Variants in ADAM2 observed in about 807,000 individuals in gnomAD.
ADAM2 encodes the protein ADAM metallopeptidase domain 2.
ADAM2 carries 101 observed loss-of-function variants against 99.3 expected under a neutral mutation model. The ratio of observed to expected loss-of-function variants is 1.02; its 90% CI spans 0.87 to 1.20. ADAM2 has a LOEUF of 1.20. Ranked by LOEUF, ADAM2 falls within the 50% of genes most tolerant of loss-of-function variation. The pLI, the probability that ADAM2 is intolerant of heterozygous loss-of-function variation, is 0.00. For synonymous variants in ADAM2, 323 were observed against 287.6 expected (o/e 1.12, Z -1.25); for missense variants, 948 against 878.7 (o/e 1.08, Z -1.00).
At position 39,821,063 on chromosome 8, in the gene ADAM2, G is replaced by A. The variant is rs1486484687; in HGVS notation, c.452C>T (p.Ser151Phe). The A allele has an allele frequency of 5.6e-6, 9 of 1,603,528 alleles. No individual in the cohort carries two copies. The highest frequency in any genetic ancestry group is 7.7e-6 in the Non-Finnish European group (9 of 1,171,212). ...YQVKHKKADV[S>F]LYNEKDIESR... is the part of the protein sequence containing the mutation. The stretch of plus-strand genomic sequence containing the variant: ...TTCAATATCCTTCTCATTATATAAG[G>A]AAACATCTGCTTTCTTATGTTTTAC... The change falls in exon 6 of 21, where the codon TCC becomes TTC. Residue 151 changes from serine (S) to phenylalanine (F), a missense_variant. Transcript: ENST00000265708.
At chr8:39,750,154 T>C (rs1326634814) in intron 16 of ADAM2, among the ~76,000 whole-genome samples, 1 of 152,088 alleles carries the variant, frequency 6.6e-6, no homozygotes, top group Non-Finnish European at 1.5e-5. Flanking sequence ...ACTTAATTAG[T>C]ATAGAAATAA....
At chr8:39,761,309 T>C in intron 14 of ADAM2, 28 bp from the exon 15 acceptor site, 1 of 1,322,666 alleles carries the variant, frequency 7.6e-7, no homozygotes, top group Non-Finnish European at 1.1e-6. Flanking sequence ...AGGTTAGTCA[T>C]ATTAAACTTA....
In ADAM2 at chr8:39,761,222, CA is replaced by C; in HGVS notation, c.1566del (p.Gly523GlufsTer5). ...CCTGAATCACTTATACCACAGTTTC[CA>C]GATACATCAGTCTTTGAATTAAGGT... ...YSHLNSKTDV[S>X]GNCGISDSGY... On this transcript the variant is annotated frameshift_variant, in exon 15 of 21. Coordinates refer to ENST00000265708, the MANE Select transcript of ADAM2 (RefSeq NM_001464.5). LOFTEE classifies it high-confidence loss of function. The C allele has an allele frequency of 6.2e-7, 1 of 1,604,260 alleles. No individual in the cohort carries two copies. Among genetic ancestry groups the C allele is most frequent in the Non-Finnish European group, 8.5e-7 (1 of 1,174,602 alleles).
chr8:39,785,796 T>TAAAAAAAAAAAAAAAAAAAA (rs58429092), intron 10 of ADAM2, among the ~76,000 whole-genome samples: 1 of 122,500 alleles, frequency 8.2e-6, no homozygotes. Context: ...CTGTCTCAAA[T>TAAAAAAAAAAAAAAAAAAAA]AAAAAAAAAA....
At chr8:39,800,078 TG>T (rs35912924) in intron 7 of ADAM2, among the ~76,000 whole-genome samples, 5,954 of 152,238 alleles carry the variant, frequency 0.039, 389 homozygotes, top group African/African-American at 0.14. Flanking sequence ...TGGTGCTATT[TG>T]GTTATTTTGC....
At chr8:39,834,375 T>C (rs1297396427) in intron 2 of ADAM2, among the ~76,000 whole-genome samples, 2 of 152,070 alleles carry the variant, frequency 1.3e-5, no homozygotes, top group Non-Finnish European at 2.9e-5. Context: ...TTGGATGCTG[T>C]TTATATCTTT....
chr8:39,772,287 A>G (rs952453660), intron 11 of ADAM2, among the ~76,000 whole-genome samples: 1 of 151,896 alleles, frequency 6.6e-6, no homozygotes, highest in African/African-American at 2.4e-5. Flanking sequence ...TTCATTGTAC[A>G]ATGTCTAAAT....
chr8:39,797,433 C>A (rs1804013531), intron 7 of ADAM2, among the ~76,000 whole-genome samples: 1 of 152,174 alleles, frequency 6.6e-6, no homozygotes, highest in Non-Finnish European at 1.5e-5. Flanking sequence ...CAGTACCATG[C>A]TGTTTTGCTT....
chr8:39,744,169 G>A (rs1823351101), intron 20 of ADAM2, 105 bp from the exon 21 acceptor site: 1 of 151,926 alleles, frequency 6.6e-6, no homozygotes, highest in Non-Finnish European at 1.5e-5. Flanking sequence ...CTTATATCAT[G>A]CAATTTATTT....
At chr8:39,798,185 T>C (rs1034962473) in intron 7 of ADAM2, among the ~76,000 whole-genome samples, 2 of 152,228 alleles carry the variant, frequency 1.3e-5, no homozygotes, top group African/African-American at 4.8e-5. Context: ...TTGTCATAAA[T>C]AGCTCTTATT....
intron 14 of ADAM2, among the ~76,000 whole-genome samples, chr8:39,762,994 T>C (rs1242772365): frequency 6.6e-6 from 1 of 152,210 alleles, no homozygotes; most frequent in African/African-American, 2.4e-5. Flanking sequence ...AACTTGGGCA[T>C]ATTCTCATTT....
chr8:39,744,670 C>A (rs1238925432), intron 20 of ADAM2, among the ~76,000 whole-genome samples, 160 bp downstream of exon 20: 1 of 152,024 alleles, frequency 6.6e-6, no homozygotes, highest in East Asian at 1.9e-4. Context: ...GCATTGAGAC[C>A]AATACCTAAT....
At chr8:39,769,304 G>T in intron 12 of ADAM2, 88 bp downstream of exon 12, 2 of 1,037,886 alleles carry the variant, frequency 1.9e-6, no homozygotes, top group South Asian at 1.5e-5. Flanking sequence ...TTAGCTTGAT[G>T]AATTAAGGAA....
In ADAM2 at chr8:39,752,649, G is replaced by A. The variant is rs1801991454; in HGVS notation, c.1798-2905C>T. Among the ~76,000 whole-genome samples, 3 of 152,158 alleles carry A rather than the reference G, an allele frequency of 2.0e-5. No homozygotes were observed. In the South Asian group the frequency reaches 6.2e-4, roughly 32 times the overall value. ...CAGACACCTGGGGCAAAAGATTACG[G>A]TGGAGATGTAATTGTAGCTCCCACA... On this transcript the variant is annotated intron_variant, in intron 16 of 20. Coordinates refer to ENST00000265708, the MANE Select transcript of ADAM2 (RefSeq NM_001464.5).
intron 2 of ADAM2, among the ~76,000 whole-genome samples, chr8:39,835,208 C>T (rs1345794155): frequency 6.6e-6 from 1 of 152,070 alleles, no homozygotes. Flanking sequence ...CTTCTTTTCT[C>T]CCCTATTTCA....
rs145867261 is a variant in ADAM2, at chr8:39,796,099, C to T, written c.571-7359G>A. Among the ~76,000 whole-genome samples, 275 of 151,320 alleles carry T rather than the reference C, an allele frequency of 1.8e-3. 1 individual carries two copies. The highest frequency in any genetic ancestry group is 0.01 in the Middle Eastern group (3 of 294). On this transcript the variant is annotated intron_variant, in intron 7 of 20. Coordinates refer to ENST00000265708, the MANE Select transcript of ADAM2 (RefSeq NM_001464.5). The stretch of plus-strand genomic sequence containing the variant: ...CTTCTTCTAAAAAAAAAACAGGATA[C>T]ATGTGCAGAATGTGCAGGTTTATTA...
In ADAM2 at chr8:39,743,845, G is replaced by A. The variant is rs958329860; in HGVS notation, c.*250C>T. 6.6e-6 allele frequency: 1 copy of A among 151,960 alleles called. No homozygotes were observed. Among genetic ancestry groups the A allele is most frequent in the African/African-American group, 2.4e-5 (1 of 41,368 alleles). 9.4% of individuals were successfully genotyped at this position (151,960 alleles called of 1,614,324 possible). Reference sequence around the variant, plus strand: ...TAGTGTCTACTAACCAACAGAAATAGCGTAAGATAACTTTAAAAAAACAGA... The same window carrying A: ...TAGTGTCTACTAACCAACAGAAATAACGTAAGATAACTTTAAAAAAACAGA... On this transcript the variant is annotated 3_prime_UTR_variant, in exon 21 of 21. Coordinates refer to ENST00000265708, the MANE Select transcript of ADAM2 (RefSeq NM_001464.5).
chr8:39,774,353 G>C (rs1380422580), intron 11 of ADAM2, among the ~76,000 whole-genome samples: 1 of 151,838 alleles, frequency 6.6e-6, no homozygotes, highest in African/African-American at 2.4e-5. Flanking sequence ...AAAATATAAA[G>C]ATCAAAAAGG....
chr8:39,769,062 A>G (rs1400153313), intron 12 of ADAM2, among the ~76,000 whole-genome samples: 1 of 152,194 alleles, frequency 6.6e-6, no homozygotes, highest in Admixed American at 6.5e-5. Context: ...TTTAGTAAAT[A>G]TTTCAAAATG....
Sources: gnomAD v4.1 joint callset for allele counts (sites outside exome capture counted in the v4.1 genomes callset) on GRCh38, gnomAD v4.1.1 for gene constraint, MANE v1.5 for transcripts, NCBI Gene and HGNC (gene_info 2026-07-23, HGNC 2026-07-21) for gene names.